TENM2: variants seen among roughly 807,000 people sequenced by gnomAD.
The protein encoded by TENM2 is teneurin-2.
Under a neutral mutation model 245.2 loss-of-function variants are expected in TENM2, and 52 were observed. The ratio of observed to expected loss-of-function variants is 0.21; its 90% CI spans 0.17 to 0.27. TENM2 has a LOEUF of 0.27. Among genes scored for constraint, TENM2 ranks in the 10% least tolerant of loss-of-function variants. TENM2 has a pLI of 1.00. For synonymous variants in TENM2, 1,363 were observed against 1,438.9 expected (o/e 0.95, Z 1.19); for missense variants, 3,046 against 3,666.8 (o/e 0.83, Z 4.37).
At chr5:167,772,263 A>G (rs1251325146) in intron 2 of TENM2, among the ~76,000 whole-genome samples, 1 of 152,226 alleles carries the variant, frequency 6.6e-6, no homozygotes, top group Non-Finnish European at 1.5e-5. Context: ...AGAAAATAAT[A>G]TATCAAAAAT....
At chr5:167,704,206 T>A (rs1014808870) in intron 2 of TENM2, among the ~76,000 whole-genome samples, 1 of 152,150 alleles carries the variant, frequency 6.6e-6, no homozygotes. Flanking sequence ...AGGATGCATC[T>A]TCTCCACTTA....
At chr5:168,215,384 T>G in intron 21 of TENM2, 112 bp downstream of exon 23, 1 of 815,320 alleles carries the variant, frequency 1.2e-6, no homozygotes. Context: ...CAGCTTTCCC[T>G]GTAATCATTT....
At chr5:167,053,428 C>G in the TENM2 span, among the ~76,000 whole-genome samples, 1 of 152,066 alleles carries the variant, frequency 6.6e-6, no homozygotes, top group African/African-American at 2.4e-5. Context: ...ACTGTTGGAG[C>G]AGATGTTTGT....
chr5:168,117,930 T>C (rs1482101148), intron 9 of TENM2, among the ~76,000 whole-genome samples: 1 of 152,146 alleles, frequency 6.6e-6, no homozygotes, highest in East Asian at 1.9e-4. Context: ...CTCCCCTGCT[T>C]GTGGGCTGTG....
At chr5:168,155,248 A>G (rs1452060805) in intron 12 of TENM2, among the ~76,000 whole-genome samples, 4 of 152,186 alleles carry the variant, frequency 2.6e-5, no homozygotes, top group Non-Finnish European at 5.9e-5. Context: ...AGCTATTTTC[A>G]ACTACAAAGA....
intron 2 of TENM2, among the ~76,000 whole-genome samples, chr5:167,390,652 A>T (rs890801377): frequency 1.3e-5 from 2 of 152,150 alleles, no homozygotes; most frequent in African/African-American, 4.8e-5. Flanking sequence ...TGGCTCTGCT[A>T]ATATACAGTG....
the TENM2 span, among the ~76,000 whole-genome samples, chr5:167,248,572 CG>C: frequency 1.3e-5 from 2 of 152,014 alleles, no homozygotes; most frequent in Non-Finnish European, 1.5e-5. Context: ...GAACATCCCC[CG>C]GGGGGTTCCA....
At chr5:167,648,399 C>T (rs1780107292) in intron 2 of TENM2, among the ~76,000 whole-genome samples, 1 of 152,164 alleles carries the variant, frequency 6.6e-6, no homozygotes, top group Non-Finnish European at 1.5e-5. Flanking sequence ...TTATCTTTTG[C>T]TCACTATATG....
At chr5:167,853,289 C>CA (rs777170514) in intron 2 of TENM2, among the ~76,000 whole-genome samples, 803 of 24,550 alleles carry the variant, frequency 0.033, 99 homozygotes, top group African/African-American at 0.091. Flanking sequence ...GACTCCGTCT[C>CA]AAAAAAAAAA....
chr5:167,720,412 A>C (rs1025182642), intron 2 of TENM2, among the ~76,000 whole-genome samples: 1 of 152,220 alleles, frequency 6.6e-6, no homozygotes, highest in Non-Finnish European at 1.5e-5. Flanking sequence ...GTTCCAGTAC[A>C]TACTTCCCTT....
chr5:167,450,468 AC>A (rs1561965927), intron 2 of TENM2, among the ~76,000 whole-genome samples: 4 of 152,186 alleles, frequency 2.6e-5, no homozygotes, highest in African/African-American at 9.6e-5. Context: ...TCGTTATTTC[AC>A]TTGCACCAAG....
At chr5:167,199,146 C>T in the TENM2 span, among the ~76,000 whole-genome samples, 1 of 150,710 alleles carries the variant, frequency 6.6e-6, no homozygotes, top group East Asian at 1.9e-4. Flanking sequence ...GTATTGTATC[C>T]CCCTCTGCCT....
At chr5:167,738,716 G>C (rs1052940026) in intron 2 of TENM2, among the ~76,000 whole-genome samples, 5 of 152,070 alleles carry the variant, frequency 3.3e-5, no homozygotes, top group Non-Finnish European at 7.4e-5. Context: ...TTTTTCCTGA[G>C]ACCTCTCTCC....
chr5:167,916,152 G>T (rs1424650208), intron 3 of TENM2, among the ~76,000 whole-genome samples: 1 of 152,226 alleles, frequency 6.6e-6, no homozygotes, highest in Admixed American at 6.5e-5. Context: ...GTCCATTAGC[G>T]CAGGGTCTGA....
At chr5:167,430,355 C>T (rs1268472881) in intron 2 of TENM2, among the ~76,000 whole-genome samples, 1 of 152,090 alleles carries the variant, frequency 6.6e-6, no homozygotes, top group African/African-American at 2.4e-5. Context: ...GCTTTGTCCA[C>T]CATAAGTATT....
chr5:167,927,548 A>G (rs1007954944), intron 3 of TENM2, among the ~76,000 whole-genome samples: 1 of 152,154 alleles, frequency 6.6e-6, no homozygotes, highest in Non-Finnish European at 1.5e-5. Flanking sequence ...TTTTATGCCA[A>G]TCCATACAGA....
chr5:168,186,339 A>T (rs1200156575), intron 13 of TENM2: 1 of 152,212 alleles, frequency 6.6e-6, no homozygotes, highest in African/African-American at 2.4e-5. Flanking sequence ...CAATAAATAG[A>T]ATGCCTTGGT....
At chr5:168,210,894 T>C (rs771644310) in intron 19 of TENM2, among the ~76,000 whole-genome samples, 6 of 152,198 alleles carry the variant, frequency 3.9e-5, no homozygotes, top group Admixed American at 6.5e-5. Flanking sequence ...GGCACGTCAA[T>C]TTTCAGCCAC....
chr5:167,977,027 G>A (rs1180318221), intron 4 of TENM2, among the ~76,000 whole-genome samples: 2 of 152,144 alleles, frequency 1.3e-5, no homozygotes, highest in African/African-American at 4.8e-5. Flanking sequence ...AACATGGATG[G>A]AGCTAGAGAC....
Sources: allele counts gnomAD v4.1 joint callset (sites outside exome capture counted in the v4.1 genomes callset), GRCh38; gene constraint gnomAD v4.1.1; transcripts MANE v1.5; gene names NCBI Gene and HGNC (gene_info 2026-07-23, HGNC 2026-07-21).